NFATC3: variants seen among roughly 807,000 people sequenced by gnomAD.
The protein encoded by NFATC3 is nuclear factor of activated T-cells, cytoplasmic 3.
A neutral mutation model predicts 98.6 loss-of-function variants in NFATC3; 46 were observed. That is an observed-to-expected ratio of 0.47 (90% CI 0.37 to 0.60). NFATC3 has a LOEUF of 0.60. NFATC3 is among the 20% of genes least tolerant of loss of function. The pLI, the probability that NFATC3 is intolerant of heterozygous loss-of-function variation, is 0.00. For synonymous variants in NFATC3, 512 were observed against 472.2 expected (o/e 1.08, Z -1.09); for missense variants, 1,256 against 1,295.5 (o/e 0.97, Z 0.47).
At chr16:68,135,382 C>T (rs1478083889) in intron 3 of NFATC3, among the ~76,000 whole-genome samples, 2 of 142,900 alleles carry the variant, frequency 1.4e-5, no homozygotes, top group Admixed American at 7.5e-5. Flanking sequence ...GGTGTGAACC[C>T]GGGAGGCAGA....
In NFATC3 at chr16:68,122,076, C is replaced by A. The variant is rs747401161; in HGVS notation, c.193C>A (p.His65Asn). 7 of 1,613,842 alleles carry A rather than the reference C, an allele frequency of 4.3e-6. No individual in the cohort carries two copies. Among genetic ancestry groups the A allele is most frequent in the Non-Finnish European group, 5.9e-6 (7 of 1,180,016 alleles). The change falls in exon 2 of 10, where the codon CAT becomes AAT. Residue 65 changes from histidine (H) to asparagine (N), a missense_variant. This residue lies in a region of NFATC3 where 464 missense variants were observed against 465.7 expected (regional missense o/e 1.00). Coordinates refer to ENST00000346183, the MANE Select transcript of NFATC3 (RefSeq NM_173165.3). ...AACCACACCACTTTGCTTACCACAT[C>A]ATGGATTACCGTCTCACTCTTCTGT... ...TLTTPLCLPH[H>N]GLPSHSSVLS...
intron 6 of NFATC3, among the ~76,000 whole-genome samples, chr16:68,175,493 T>C (rs1014389946): frequency 6.6e-6 from 1 of 152,248 alleles, no homozygotes; most frequent in African/African-American, 2.4e-5. Context: ...TTATTCCTTC[T>C]TGTGCATATT....
chr16:68,163,560 C>G (rs937217464), intron 4 of NFATC3, among the ~76,000 whole-genome samples: 1 of 151,942 alleles, frequency 6.6e-6, no homozygotes, highest in African/African-American at 2.4e-5. Context: ...CACCTCCCTC[C>G]TGGACGGGGT....
chr16:68,137,751 C>T (rs1308979403), intron 3 of NFATC3, among the ~76,000 whole-genome samples: 2 of 151,550 alleles, frequency 1.3e-5, no homozygotes, highest in Admixed American at 6.6e-5. Flanking sequence ...GTAGCTGGGA[C>T]TACAGGTGCC....
chr16:68,089,161 C>T (rs1430171859), intron 1 of NFATC3: 1 of 985,262 alleles, frequency 1.0e-6, no homozygotes, highest in Non-Finnish European at 1.2e-6. Context: ...TGTATCACAA[C>T]TAAATTTCCA....
rs905745145 is a variant in NFATC3, at chr16:68,185,955, G to T, written c.2098+2589G>T. 1.3e-4 allele frequency among the ~76,000 whole-genome samples: 19 copies of T among 151,844 alleles called. 1 individual carries two copies. Among genetic ancestry groups the T allele is most frequent in the Admixed American group, 1.2e-3 (19 of 15,234 alleles). ...GACAATAAAAAGGCAGAATCCTAGAGGATATTACATTTGGGAATGGAAATC... is the reference window on the plus strand; with the variant it reads ...GACAATAAAAAGGCAGAATCCTAGATGATATTACATTTGGGAATGGAAATC... On this transcript the variant is annotated intron_variant, in intron 8 of 9. Coordinates refer to ENST00000346183, the MANE Select transcript of NFATC3 (RefSeq NM_173165.3).
intron 9 of NFATC3, among the ~76,000 whole-genome samples, chr16:68,194,562 AG>A (rs773952678): frequency 2.3e-4 from 35 of 152,372 alleles, no homozygotes; most frequent in Non-Finnish European, 3.7e-4. Context: ...TGTTTCTTTT[AG>A]CAGTTTTAGA....
intron 9 of NFATC3, chr16:68,217,811 A>C (rs1598623173): frequency 8.1e-7 from 1 of 1,231,564 alleles, no homozygotes; most frequent in South Asian, 4.1e-5. Context: ...AGTGATGAGG[A>C]AGATACGTAC....
chr16:68,214,276 G>A, intron 9 of NFATC3: 1 of 1,410,962 alleles, frequency 7.1e-7, no homozygotes, highest in Non-Finnish European at 1.0e-6. Context: ...AGTAGATTAA[G>A]TTCACCCTCT....
At chr16:68,087,860 C>CGT (rs2034475887) in intron 1 of NFATC3, among the ~76,000 whole-genome samples, 1 of 152,036 alleles carries the variant, frequency 6.6e-6, no homozygotes. Flanking sequence ...AATATTCCAT[C>CGT]GTGTGTGTGT....
intron 1 of NFATC3, among the ~76,000 whole-genome samples, chr16:68,103,517 C>G (rs77996485): frequency 0.09 from 13,652 of 152,240 alleles, 791 homozygotes; most frequent in Admixed American, 0.12. Context: ...GCCTCACTTT[C>G]TTGATGGTGC....
At chr16:68,197,481 G>T (rs914521515) in intron 9 of NFATC3, among the ~76,000 whole-genome samples, 2 of 152,112 alleles carry the variant, frequency 1.3e-5, no homozygotes, top group Non-Finnish European at 2.9e-5. Flanking sequence ...AGAGCCAGGC[G>T]TGGTGGTGTG....
intron 4 of NFATC3, among the ~76,000 whole-genome samples, chr16:68,166,555 C>A (rs1244579342): frequency 1.3e-5 from 2 of 152,134 alleles, no homozygotes; most frequent in African/African-American, 4.8e-5. Flanking sequence ...GGAGAGCAGG[C>A]ATAGATACTC....
chr16:68,220,587 A>G (rs1006189618), intron 9 of NFATC3, among the ~76,000 whole-genome samples: 1 of 148,366 alleles, frequency 6.7e-6, no homozygotes, highest in South Asian at 2.1e-4. Context: ...ACTAGAGTTT[A>G]TTTTTCCTTT....
intron 1 of NFATC3, among the ~76,000 whole-genome samples, chr16:68,090,334 C>A (rs1160498561): frequency 8.2e-6 from 1 of 121,496 alleles, no homozygotes; most frequent in African/African-American, 3.4e-5. Context: ...CACACACACA[C>A]ACACACGCAC....
chr16:68,107,385 T>A (rs1337225740), intron 1 of NFATC3, among the ~76,000 whole-genome samples: 1 of 152,200 alleles, frequency 6.6e-6, no homozygotes, highest in Non-Finnish European at 1.5e-5. Context: ...AAAGCCTTTC[T>A]ATCTCAGCCT....
At chr16:68,157,187 A>T (rs560748285) in intron 3 of NFATC3, among the ~76,000 whole-genome samples, 29 of 151,690 alleles carry the variant, frequency 1.9e-4, no homozygotes, top group Admixed American at 1.7e-3. Context: ...AGGCACAAAC[A>T]CATTCTCTCT....
At chr16:68,095,067 G>A (rs962506229) in intron 1 of NFATC3, among the ~76,000 whole-genome samples, 1 of 152,192 alleles carries the variant, frequency 6.6e-6, no homozygotes, top group Non-Finnish European at 1.5e-5. Flanking sequence ...GGCTGCATGG[G>A]AGAGGAGTGG....
At chr16:68,094,039 G>A (rs1444326731) in intron 1 of NFATC3, among the ~76,000 whole-genome samples, 1 of 152,194 alleles carries the variant, frequency 6.6e-6, no homozygotes, top group East Asian at 1.9e-4. Flanking sequence ...TTAAAGGGTA[G>A]CAGTGATACA....
Sources: gnomAD v4.1 joint callset for allele counts (sites outside exome capture counted in the v4.1 genomes callset) on GRCh38, gnomAD v4.1.1 for gene constraint, gnomAD v4.1.1 regional missense constraint, MANE v1.5 for transcripts, NCBI Gene and HGNC (gene_info 2026-07-23, HGNC 2026-07-21) for gene names.